KCNH5: variants seen among roughly 807,000 people sequenced by gnomAD.
KCNH5 encodes voltage-gated delayed rectifier potassium channel KCNH5.
A neutral mutation model predicts 96.1 loss-of-function variants in KCNH5; 46 were observed. The observed-to-expected ratio is 0.48, with a 90% CI of 0.38 to 0.61. The LOEUF is 0.61. Ranked by LOEUF, KCNH5 falls within the 20% of genes least tolerant of loss-of-function variation. The pLI, the probability that KCNH5 is intolerant of heterozygous loss-of-function variation, is 0.00. For missense variants in KCNH5, 907 were observed against 1,225.8 expected (o/e 0.74, Z 3.88); for synonymous variants, 439 against 449.8 (o/e 0.98, Z 0.30).
intron 10 of KCNH5, among the ~76,000 whole-genome samples, chr14:62,720,752 C>A (rs1221475463): frequency 5.9e-5 from 9 of 152,074 alleles, no homozygotes; most frequent in African/African-American, 2.2e-4. Context: ...AAAACAACAA[C>A]AACAACACTC....
At chr14:62,907,925 T>C (rs915944377) in intron 7 of KCNH5, among the ~76,000 whole-genome samples, 1 of 152,186 alleles carries the variant, frequency 6.6e-6, no homozygotes, top group Non-Finnish European at 1.5e-5. Flanking sequence ...TTGTGCAAGA[T>C]GAAGGTCATC....
chr14:62,981,175 A>T lies in KCNH5; in HGVS notation c.639T>A (p.Phe213Leu). 6.2e-7 allele frequency: 1 copy of T among 1,614,184 alleles called. No individual in the cohort carries two copies. The highest frequency in any genetic ancestry group is 8.5e-7 in the Non-Finnish European group (1 of 1,180,002). Residue 213 changes from phenylalanine to leucine, a missense_variant, in exon 6 of 11, where the codon TTT becomes TTA. This residue lies in a region of KCNH5 where 370 missense variants were observed against 561.3 expected (regional missense o/e 0.66). Coordinates refer to ENST00000322893, the MANE Select transcript of KCNH5 (RefSeq NM_139318.5). ...PPHIILHYCA[F>L]KTTWDWVILI... ...AAATCACCCAATCCCAAGTAGTTTT[A>T]AAAGCACAATAATGTAAAATAATGT...
chr14:62,729,429 C>T (rs1235614361), intron 10 of KCNH5, among the ~76,000 whole-genome samples: 10 of 152,118 alleles, frequency 6.6e-5, no homozygotes, highest in Admixed American at 5.9e-4. Context: ...ATATATTTAG[C>T]GACTTACTCA....
intron 7 of KCNH5, among the ~76,000 whole-genome samples, chr14:62,876,234 G>C (rs983359045): frequency 6.6e-6 from 1 of 152,178 alleles, no homozygotes; most frequent in Non-Finnish European, 1.5e-5. Flanking sequence ...GAATCTCTGA[G>C]AAACTAATAG....
intron 9 of KCNH5, among the ~76,000 whole-genome samples, chr14:62,785,199 A>T (rs938299954): frequency 6.6e-6 from 1 of 152,200 alleles, no homozygotes; most frequent in Non-Finnish European, 1.5e-5. Flanking sequence ...GACTATGGTC[A>T]TCTTTTAAAA....
At chr14:62,976,537 C>G (rs892158489) in intron 6 of KCNH5, among the ~76,000 whole-genome samples, 2 of 151,730 alleles carry the variant, frequency 1.3e-5, no homozygotes, top group African/African-American at 4.8e-5. Flanking sequence ...AATATCAAGA[C>G]AGTAGTCATG....
chr14:62,973,705 G>A (rs1441749966), intron 6 of KCNH5, among the ~76,000 whole-genome samples: 3 of 152,052 alleles, frequency 2.0e-5, no homozygotes, highest in Non-Finnish European at 4.4e-5. Context: ...TATTTATATG[G>A]ATTTAATAAG....
intron 7 of KCNH5, among the ~76,000 whole-genome samples, chr14:62,879,471 G>C (rs933888450): frequency 2.6e-5 from 4 of 152,060 alleles, no homozygotes; most frequent in Admixed American, 2.0e-4. Context: ...TCGAATGAAT[G>C]AATAAATGAA....
chr14:62,717,376 C>G (rs1283078996), intron 10 of KCNH5, among the ~76,000 whole-genome samples: 1 of 152,110 alleles, frequency 6.6e-6, no homozygotes, highest in Non-Finnish European at 1.5e-5. Flanking sequence ...ACACTTAACA[C>G]TTTTAAAATT....
At chr14:62,908,782 ATT>A (rs71120241) in intron 7 of KCNH5, among the ~76,000 whole-genome samples, 429 of 23,654 alleles carry the variant, frequency 0.018, 1 homozygote, top group Middle Eastern at 0.045. Flanking sequence ...TTTGCTTTGT[ATT>A]TTTTTTTTTT....
At chr14:62,941,124 C>A (rs1388933280) in intron 7 of KCNH5, among the ~76,000 whole-genome samples, 1 of 152,034 alleles carries the variant, frequency 6.6e-6, no homozygotes, top group Non-Finnish European at 1.5e-5. Flanking sequence ...CAATGTATAC[C>A]AGAACACCTG....
chr14:62,827,192 T>C (rs1887244329), intron 8 of KCNH5, among the ~76,000 whole-genome samples: 1 of 152,234 alleles, frequency 6.6e-6, no homozygotes, highest in African/African-American at 2.4e-5. Flanking sequence ...CAGGTGTTTA[T>C]ATTTGCAAAC....
At chr14:62,742,149 C>T (rs745483430) in intron 10 of KCNH5, among the ~76,000 whole-genome samples, 19 of 151,992 alleles carry the variant, frequency 1.3e-4, no homozygotes, top group Middle Eastern at 3.2e-3. Flanking sequence ...GGATAACTAA[C>T]GTCCTAAGTA....
chr14:62,997,347 T>G (rs1156578360), intron 4 of KCNH5, among the ~76,000 whole-genome samples: 5 of 152,212 alleles, frequency 3.3e-5, no homozygotes, highest in Non-Finnish European at 7.3e-5. Flanking sequence ...TTATAGGCTT[T>G]ATATAGATGT....
chr14:62,957,659 G>A (rs541711998), intron 6 of KCNH5, among the ~76,000 whole-genome samples: 8 of 152,294 alleles, frequency 5.3e-5, no homozygotes, highest in South Asian at 2.1e-4. Context: ...CCAAGCCTAG[G>A]CCTCAAAAGG....
intron 8 of KCNH5, among the ~76,000 whole-genome samples, chr14:62,806,346 A>G (rs1213938482): frequency 6.6e-6 from 1 of 152,006 alleles, no homozygotes; most frequent in Non-Finnish European, 1.5e-5. Flanking sequence ...TGTGGACTTG[A>G]CCTGAATTCT....
chr14:62,890,665 C>T (rs1888691468), intron 7 of KCNH5, among the ~76,000 whole-genome samples: 1 of 144,566 alleles, frequency 6.9e-6, no homozygotes, highest in Admixed American at 7.0e-5. Flanking sequence ...CGCCACTGCA[C>T]TCCAGCCTGG....
Position 62,951,962 on chromosome 14 carries a change from CAAAAAA to C in KCNH5, c.943-1409_943-1404del, listed in dbSNP as rs36114434. On this transcript the variant is annotated intron_variant, in intron 6 of 10. Transcript: ENST00000322893. ...TGGGTAACAGAGCGAGACTCCGTCT[CAAAAAA>C]AAAAAAAAAAAAAAGTAAACAGTTA... is the stretch of plus-strand genomic sequence containing the variant. 6.8e-3 allele frequency among the ~76,000 whole-genome samples: 718 copies of C among 105,516 alleles called. 2 individuals carry two copies. Among genetic ancestry groups the C allele is most frequent in the Non-Finnish European group, 9.6e-3 (544 of 56,664 alleles). The allele number at this position is 105,516 out of a possible 152,430, so 69.2% of individuals were successfully genotyped here.
chr14:62,962,431 C>G (rs1301103622), intron 6 of KCNH5, among the ~76,000 whole-genome samples: 1 of 152,096 alleles, frequency 6.6e-6, no homozygotes, highest in Non-Finnish European at 1.5e-5. Flanking sequence ...CAAATACCTG[C>G]TGGAAGAACT....
Sources: allele counts gnomAD v4.1 joint callset (sites outside exome capture counted in the v4.1 genomes callset), GRCh38; gene constraint gnomAD v4.1.1; regional missense constraint gnomAD v4.1.1; transcripts MANE v1.5; gene names NCBI Gene and HGNC (gene_info 2026-07-23, HGNC 2026-07-21).